Variants in TFAP2E observed in about 807,000 individuals in gnomAD.
TFAP2E encodes transcription factor AP-2 epsilon.
Under a neutral mutation model 37.9 loss-of-function variants are expected in TFAP2E, and 30 were observed. The observed-to-expected ratio is 0.79, with a 90% CI of 0.59 to 1.07. TFAP2E has a LOEUF of 1.07. TFAP2E is among the 50% of genes least tolerant of loss of function. TFAP2E has a pLI of 0.00. For synonymous variants in TFAP2E, 318 were observed against 295.8 expected (o/e 1.08, Z -0.77); for missense variants, 567 against 637.9 (o/e 0.89, Z 1.20).
At chr1:35,584,320 C>G (rs924954085) in intron 3 of TFAP2E, among the ~76,000 whole-genome samples, 2 of 151,988 alleles carry the variant, frequency 1.3e-5, no homozygotes, top group Non-Finnish European at 1.5e-5. Flanking sequence ...CCAGGCTGGT[C>G]TCAAACTTCT....
chr1:35,584,613 C>G (rs1227443262), intron 3 of TFAP2E, among the ~76,000 whole-genome samples: 11 of 152,118 alleles, frequency 7.2e-5, no homozygotes, highest in African/African-American at 2.7e-4. Flanking sequence ...GGTCAGCTCA[C>G]TGCAACCTCT....
Position 35,590,014 on chromosome 1 carries a change from C to A in TFAP2E, c.870C>A (p.Ala290=). ...ACCTGCCAGCTGGCCGTCGCAAGGCCGCCAATGTGACGCTGCTGACTTCGC... is the reference window on the plus strand; with the variant it reads ...ACCTGCCAGCTGGCCGTCGCAAGGCAGCCAATGTGACGCTGCTGACTTCGC... ...GLNLPAGRRK[A]ANVTLLTSLV... The change falls in exon 5 of 7, where the codon GCC becomes GCA. Residue 290 remains alanine, a synonymous_variant. Coordinates refer to ENST00000373235, the MANE Select transcript of TFAP2E (RefSeq NM_178548.4). The surrounding 1 kb of genome is among the most constrained non-coding windows in gnomAD (Gnocchi z 6.2). 1.2e-6 allele frequency: 2 copies of A among 1,614,094 alleles called. No homozygotes were observed. The highest frequency in any genetic ancestry group is 4.5e-5 in the East Asian group (2 of 44,874).
At chr1:35,583,038 G>A (rs1353643425) in intron 3 of TFAP2E, among the ~76,000 whole-genome samples, 2 of 152,058 alleles carry the variant, frequency 1.3e-5, no homozygotes, top group African/African-American at 4.8e-5. Flanking sequence ...AAGTAGCTGG[G>A]ATTACAGGTG....
intron 6 of TFAP2E, among the ~76,000 whole-genome samples, chr1:35,592,284 CAA>C (rs111541357): frequency 1.1e-4 from 13 of 122,066 alleles, no homozygotes; most frequent in Admixed American, 8.6e-5. Context: ...GACCCCATCT[CAA>C]AAAAAAAAAA....
In TFAP2E at chr1:35,577,539, C is replaced by T; in HGVS notation, c.562+2539C>T. ...CTTTGGCCACCTGAAGCGTCGGATC[C>T]CTACAGTGCCTCCCAGCCTGGGCGG... On this transcript the variant is annotated intron_variant, in intron 3 of 6. Coordinates refer to ENST00000373235, the MANE Select transcript of TFAP2E (RefSeq NM_178548.4). This position sits in a 1 kb window ranked among gnomAD's most constrained non-coding sequence, Gnocchi z 6.3. 2.3e-6 allele frequency: 1 copy of T among 433,656 alleles called. No homozygotes were observed. Among genetic ancestry groups the T allele is most frequent in the South Asian group, 1.6e-5 (1 of 63,148 alleles). 26.9% of individuals were successfully genotyped at this position (433,656 alleles called of 1,614,324 possible). A position where few individuals can be genotyped will look rare whatever the true frequency, so the allele number is the denominator to read the frequency against.
At position 35,595,084 on chromosome 1, in the gene TFAP2E, T is replaced by A. The variant is rs142125801; in HGVS notation, c.*408T>A. 1.2e-4 allele frequency: 30 copies of A among 241,076 alleles called. No individual in the cohort carries two copies. The East Asian group carries it at 4.2e-3, about 33-fold the overall frequency. The allele number at this position is 241,076 out of a possible 1,614,324, so 14.9% of individuals were successfully genotyped here. A position where few individuals can be genotyped will look rare whatever the true frequency, so the allele number is the denominator to read the frequency against. Reference sequence around the variant, plus strand: ...AAAATTGATAAATCAGAGGTGCTACTGAGGAGTTGGTGCCCCTCATTCCAG... The same window carrying A: ...AAAATTGATAAATCAGAGGTGCTACAGAGGAGTTGGTGCCCCTCATTCCAG... On this transcript the variant is annotated 3_prime_UTR_variant, in exon 7 of 7. Coordinates refer to ENST00000373235, the MANE Select transcript of TFAP2E (RefSeq NM_178548.4).
chr1:35,573,404 G>A lies in TFAP2E; in HGVS notation c.-174G>A. On this transcript the variant is annotated 5_prime_UTR_variant, in exon 1 of 7. Transcript: ENST00000373235. The surrounding 1 kb of genome is among the most constrained non-coding windows in gnomAD (Gnocchi z 5.9). ...CGTCCTGCCTCCATGGACCCGCCCGGGAACGGCCACCGCTGAGGACCCCAC... is the reference window on the plus strand; with the variant it reads ...CGTCCTGCCTCCATGGACCCGCCCGAGAACGGCCACCGCTGAGGACCCCAC... 1.2e-6 allele frequency: 1 copy of A among 821,314 alleles called. No individual in the cohort carries two copies. Among genetic ancestry groups the A allele is most frequent in the East Asian group, 3.4e-5 (1 of 29,376 alleles). 50.9% of individuals were successfully genotyped at this position (821,314 alleles called of 1,614,324 possible). A position where few individuals can be genotyped will look rare whatever the true frequency, so the allele number is the denominator to read the frequency against.
At position 35,595,067 on chromosome 1, in the gene TFAP2E, TA is replaced by T. The variant is rs1649792785; in HGVS notation, c.*394del. ...TCACTGGTGGCAGGAGGAAAATTGATAAATCAGAGGTGCTACTGAGGAGTTG... is the reference window on the plus strand; with the variant it reads ...TCACTGGTGGCAGGAGGAAAATTGATAATCAGAGGTGCTACTGAGGAGTTG... On this transcript the variant is annotated 3_prime_UTR_variant, in exon 7 of 7. Transcript: ENST00000373235. 1 of 263,944 alleles carries T rather than the reference TA, an allele frequency of 3.8e-6. No individual in the cohort carries two copies. Among genetic ancestry groups the T allele is most frequent in the African/African-American group, 2.3e-5 (1 of 43,148 alleles). The allele number at this position is 263,944 out of a possible 1,614,324, so 16.4% of individuals were successfully genotyped here.
chr1:35,579,691 G>T (rs1287573145), intron 3 of TFAP2E, among the ~76,000 whole-genome samples: 1 of 152,066 alleles, frequency 6.6e-6, no homozygotes, highest in Non-Finnish European at 1.5e-5. Context: ...CACCACGCTT[G>T]GCCTTTTTAA....
At chr1:35,581,985 C>G (rs1262940422) in intron 3 of TFAP2E, among the ~76,000 whole-genome samples, 4 of 152,116 alleles carry the variant, frequency 2.6e-5, no homozygotes, top group African/African-American at 9.7e-5. Context: ...AAGCAATTCT[C>G]CTGCCTCAGC....
At chr1:35,589,081 C>T (rs907187649) in intron 4 of TFAP2E, among the ~76,000 whole-genome samples, 79 of 151,886 alleles carry the variant, frequency 5.2e-4, no homozygotes, top group African/African-American at 1.7e-3. Flanking sequence ...CATGTGTGTG[C>T]GTGTGCATGT....
chr1:35,579,895 G>C (rs1649296291), intron 3 of TFAP2E, among the ~76,000 whole-genome samples: 1 of 151,902 alleles, frequency 6.6e-6, no homozygotes. Flanking sequence ...GGGGAGTGAA[G>C]GATAGAAATT....
chr1:35,577,398 C>T lies in TFAP2E; in HGVS notation c.562+2398C>T. On this transcript the variant is annotated intron_variant, in intron 3 of 6. Transcript: ENST00000373235. This position sits in a 1 kb window ranked among gnomAD's most constrained non-coding sequence, Gnocchi z 6.3. ...GGAGTGAATTAGCGCCCTCCTTCGT[C>T]CTCGGCCCTTCCGACGGCACGAGGA... The T allele has an allele frequency of 2.2e-6, 1 of 456,844 alleles. No homozygotes were observed. 28.3% of individuals were successfully genotyped at this position (456,844 alleles called of 1,614,324 possible).
chr1:35,579,643 C>G (rs1649290978), intron 3 of TFAP2E, among the ~76,000 whole-genome samples: 2 of 152,028 alleles, frequency 1.3e-5, no homozygotes, highest in African/African-American at 4.8e-5. Context: ...GACCTGCCCG[C>G]TTCAGCCACC....
Position 35,588,581 on chromosome 1 carries a change from C to A in TFAP2E, c.785+29C>A. ...GGAAGGCCAGCCCACAATTCCCCGCCTGATTGGATCCCTGGCCTCTTCAGG... is the reference window on the plus strand; with the variant it reads ...GGAAGGCCAGCCCACAATTCCCCGCATGATTGGATCCCTGGCCTCTTCAGG... On this transcript the variant is annotated intron_variant, in intron 4 of 6. Transcript: ENST00000373235. The surrounding 1 kb of genome is among the most constrained non-coding windows in gnomAD (Gnocchi z 5.1). The A allele has an allele frequency of 6.5e-7, 1 of 1,541,484 alleles. No homozygotes were observed.
In TFAP2E at chr1:35,589,951, C is replaced by A. The variant is rs760249038; in HGVS notation, c.807C>A (p.Gly269=). 8 of 1,613,964 alleles carry A rather than the reference C, an allele frequency of 5.0e-6. No homozygotes were observed. The highest frequency in any genetic ancestry group is 6.8e-6 in the Non-Finnish European group (8 of 1,179,900). Residue 269 remains glycine, a synonymous_variant, in exon 5 of 7, where the codon GGC becomes GGA. Transcript: ENST00000373235. Reference sequence around the variant, plus strand: ...CAAGGGCCAAGTCCAAAAATGGGGGCCGGTGTTTGCGGGAACGGTTAGAGA... The same window carrying A: ...CAAGGGCCAAGTCCAAAAATGGGGGACGGTGTTTGCGGGAACGGTTAGAGA... ...VLRRAKSKNG[G]RCLRERLEKI...
chr1:35,580,926 G>A (rs2148548287), intron 3 of TFAP2E, among the ~76,000 whole-genome samples: 1 of 152,244 alleles, frequency 6.6e-6, no homozygotes, highest in African/African-American at 2.4e-5. Flanking sequence ...ATAATTTGAT[G>A]ATTTTTAGTA....
At chr1:35,574,748 C>T in intron 2 of TFAP2E, 1 of 702,956 alleles carries the variant, frequency 1.4e-6, no homozygotes, top group Non-Finnish European at 2.4e-6. Context: ...TCAAAATTCC[C>T]TTTTTGCACT....
At position 35,590,616 on chromosome 1, in the gene TFAP2E, C is replaced by T. The variant is rs766067097; in HGVS notation, c.905-18C>T. 1.4e-6 allele frequency: 2 copies of T among 1,454,914 alleles called. No individual in the cohort carries two copies. The highest frequency in any genetic ancestry group is 1.8e-6 in the Non-Finnish European group (2 of 1,091,024). The allele number at this position is 1,454,914 out of a possible 1,614,324, so 90.1% of individuals were successfully genotyped here. A position where few individuals can be genotyped will look rare whatever the true frequency, so the allele number is the denominator to read the frequency against. On this transcript the variant is annotated intron_variant, in intron 5 of 6. Coordinates refer to ENST00000373235, the MANE Select transcript of TFAP2E (RefSeq NM_178548.4). This position sits in a 1 kb window ranked among gnomAD's most constrained non-coding sequence, Gnocchi z 6.2. ...GCAGAGGTACACCCTGCAGTAGTGA[C>T]AGCTCCCCTCCCCCCAGGAGAGGCC...
Sources: gnomAD v4.1 joint callset for allele counts (sites outside exome capture counted in the v4.1 genomes callset) on GRCh38, gnomAD v4.1.1 for gene constraint, Gnocchi (gnomAD v3.1) non-coding constraint, MANE v1.5 for transcripts, NCBI Gene and HGNC (gene_info 2026-07-23, HGNC 2026-07-21) for gene names.